Variants in SLC25A18 observed in about 807,000 individuals in gnomAD.
The protein encoded by SLC25A18 is mitochondrial glutamate carrier 2.
In SLC25A18, 24 loss-of-function variants were observed where a neutral mutation model predicts 31.1. The observed-to-expected ratio is 0.77, with a 90% CI of 0.56 to 1.08. The LOEUF is 1.08. Ranked by LOEUF, SLC25A18 falls within the 50% of genes least tolerant of loss-of-function variation. The pLI is 0.00. For missense variants in SLC25A18, 371 were observed against 418.5 expected (o/e 0.89, Z 0.99); for synonymous variants, 173 against 161.9 (o/e 1.07, Z -0.52).
chr22:17,577,579 A>ATTTTTTT (rs695611), intron 2 of SLC25A18, among the ~76,000 whole-genome samples: 1 of 118,938 alleles, frequency 8.4e-6, no homozygotes. Context: ...TGTCCTGTCT[A>ATTTTTTT]TTTTTTTTTT....
rs1310594391 is a variant in SLC25A18 at position 17,563,534 on chromosome 22, T to G, written c.-443T>G. The G allele has an allele frequency of 3.6e-6, 1 of 274,614 alleles. No individual in the cohort carries two copies. The highest frequency in any genetic ancestry group is 5.5e-6 in the Non-Finnish European group (1 of 180,280). 17.0% of individuals were successfully genotyped at this position (274,614 alleles called of 1,614,324 possible). ...CATATGACAAGGACGAGGACCCCTA[T>G]TCTAGCCAGTTAAAGCTGGACAGAA... On this transcript the variant is annotated 5_prime_UTR_variant, in exon 1 of 11. Coordinates refer to ENST00000327451, the MANE Select transcript of SLC25A18 (RefSeq NM_031481.3).
intron 2 of SLC25A18, among the ~76,000 whole-genome samples, chr22:17,574,033 C>G (rs544604357): frequency 2.0e-5 from 3 of 152,282 alleles, no homozygotes; most frequent in Admixed American, 2.0e-4. Context: ...AGTTCAAGAC[C>G]AGTCTGGGCA....
At chr22:17,579,599 C>T (rs1353411890) in intron 2 of SLC25A18, 146 bp from the exon 3 acceptor site, 32 of 451,238 alleles carry the variant, frequency 7.1e-5, no homozygotes, top group Admixed American at 5.2e-5. Context: ...TCCCCAGAGT[C>T]CAAAAGTTCG....
chr22:17,587,368 T>G (rs1419163752), intron 8 of SLC25A18, 67 bp downstream of exon 8: 8 of 1,516,172 alleles, frequency 5.3e-6, no homozygotes, highest in Admixed American at 2.0e-5. Flanking sequence ...GAGAGCTGGT[T>G]GTCCCTATCT....
intron 2 of SLC25A18, among the ~76,000 whole-genome samples, chr22:17,576,795 G>A (rs1331094411): frequency 2.6e-5 from 4 of 152,304 alleles, no homozygotes; most frequent in Admixed American, 6.5e-5. Context: ...AGTGCTCTCC[G>A]TGGGTGGAAA....
At chr22:17,572,482 T>C (rs2057116371) in intron 2 of SLC25A18, among the ~76,000 whole-genome samples, 1 of 85,282 alleles carries the variant, frequency 1.2e-5, no homozygotes, top group East Asian at 2.7e-4. Context: ...CAAAACTCCA[T>C]CTCAAAAAAA....
At chr22:17,580,981 C>T (rs558889139) in intron 3 of SLC25A18, 56 bp from the exon 4 acceptor site, 107 of 1,501,688 alleles carry the variant, frequency 7.1e-5, no homozygotes, top group Non-Finnish European at 9.4e-5. Context: ...TGCATCCGCT[C>T]CCTAACCTGC....
Position 17,589,567 on chromosome 22 carries a change from ACTTT to A in SLC25A18, c.731-22_731-19del, listed in dbSNP as rs768088786. 76 of 1,611,520 alleles carry A rather than the reference ACTTT, an allele frequency of 4.7e-5. No homozygotes were observed. In the Middle Eastern group the frequency reaches 1.2e-3, roughly 24 times the overall value. Reference sequence around the variant, plus strand: ...ACCGAAAGTAAGCTGTTCACTACTTACTTTAACTTTTACTTGATTTAGTTCTGAA... The same window carrying A: ...ACCGAAAGTAAGCTGTTCACTACTTAAACTTTTACTTGATTTAGTTCTGAA... On this transcript the variant is annotated intron_variant, in intron 9 of 10. Transcript: ENST00000327451.
At position 17,590,269 on chromosome 22, in the gene SLC25A18, G is replaced by A. The variant is rs116161328; in HGVS notation, c.*33G>A. ...TGGAGGTCAAGTCCCTGCGCTTGCC[G>A]CCCTCTCTCTAGCTGTTTCACTTAG... is the stretch of plus-strand genomic sequence containing the variant. On this transcript the variant is annotated 3_prime_UTR_variant, in exon 11 of 11. Transcript: ENST00000327451. 7,403 of 1,613,280 alleles carry A rather than the reference G, an allele frequency of 4.6e-3. 268 individuals carry two copies. The African/African-American group carries it at 0.086, about 19-fold the overall frequency.
At chr22:17,567,734 T>C (rs2056974055) in intron 1 of SLC25A18, among the ~76,000 whole-genome samples, 1 of 132,292 alleles carries the variant, frequency 7.6e-6, no homozygotes, top group South Asian at 2.5e-4. Flanking sequence ...TCCTGAAACC[T>C]TTCCATGTCT....
chr22:17,582,293 G>A, intron 5 of SLC25A18: 1 of 246,788 alleles, frequency 4.1e-6, no homozygotes, highest in Non-Finnish European at 7.8e-6. Context: ...GGAGAATGGC[G>A]CGAACCCGGG....
At chr22:17,580,536 GAAC>G in intron 3 of SLC25A18, 1 of 989,432 alleles carries the variant, frequency 1.0e-6, no homozygotes, top group Non-Finnish European at 1.2e-6. Flanking sequence ...CTCTTATTAT[GAAC>G]AATAGCTGGC....
chr22:17,590,164 A>AC lies in SLC25A18; in HGVS notation c.878dup (p.Leu294SerfsTer22). 1 of 1,614,068 alleles carries AC rather than the reference A, an allele frequency of 6.2e-7. No individual in the cohort carries two copies. The highest frequency in any genetic ancestry group is 8.5e-7 in the Non-Finnish European group (1 of 1,180,000). ...CTGGCTGCCGGGCACTGGTCATAGC[A>AC]CCTCTCTTTGGGATTGCTCAAGGGG... On this transcript the variant is annotated frameshift_variant, in exon 11 of 11. Transcript: ENST00000327451. LOFTEE classifies it high-confidence loss of function.
chr22:17,587,940 C>T lies in SLC25A18; in HGVS notation c.591C>T (p.Ser197=). The T allele has an allele frequency of 1.2e-6, 2 of 1,614,132 alleles. No homozygotes were observed. Among genetic ancestry groups the T allele is most frequent in the Non-Finnish European group, 8.5e-7 (1 of 1,180,004 alleles). ...TCTTCTGCAGAGACATTCCTTTCTC[C>T]ATCATCTACTTCCCACTGTTTGCCA... The part of the protein sequence containing the change: ...GATLLRDIPF[S]IIYFPLFANL... Residue 197 remains serine (S), a synonymous_variant, in exon 9 of 11, where the codon TCC becomes TCT. Coordinates refer to ENST00000327451, the MANE Select transcript of SLC25A18 (RefSeq NM_031481.3).
At chr22:17,566,172 A>T (rs183191086) in intron 1 of SLC25A18, among the ~76,000 whole-genome samples, 172 of 151,562 alleles carry the variant, frequency 1.1e-3, no homozygotes, top group East Asian at 4.9e-3. Flanking sequence ...GCCTGCTGTC[A>T]CCCCCTCATC....
intron 2 of SLC25A18, among the ~76,000 whole-genome samples, chr22:17,577,743 G>A (rs931662126): frequency 1.0e-4 from 15 of 149,290 alleles, no homozygotes; most frequent in Admixed American, 1.4e-4. Flanking sequence ...ACCATTCCCC[G>A]CTAATTTTTG....
chr22:17,574,241 AAAG>A (rs1272927338), intron 2 of SLC25A18, among the ~76,000 whole-genome samples: 6 of 152,246 alleles, frequency 3.9e-5, no homozygotes, highest in Non-Finnish European at 8.8e-5. Context: ...CCCCTGAAAA[AAAG>A]AAGTATTCAG....
chr22:17,580,816 G>T, intron 3 of SLC25A18: 2 of 1,310,464 alleles, frequency 1.5e-6, no homozygotes, highest in African/African-American at 1.5e-5. Flanking sequence ...GCAGGTCCCA[G>T]CTCCAGGGAC....
Position 17,581,464 on chromosome 22 carries a change from G to T in SLC25A18, c.199+51G>T, listed in dbSNP as rs144409568. 3,309 of 1,599,022 alleles carry T rather than the reference G, an allele frequency of 2.1e-3. 8 individuals carry two copies. Among genetic ancestry groups the T allele is most frequent in the South Asian group, 3.5e-3 (313 of 90,528 alleles). ...GCTGGGCAGCAGGTGTGAGCGTATG[G>T]GACATGGGGAACTGGTGTTCCTTCC... On this transcript the variant is annotated intron_variant, in intron 5 of 10. Transcript: ENST00000327451.
Sources: gnomAD v4.1 joint callset for allele counts (sites outside exome capture counted in the v4.1 genomes callset) on GRCh38, gnomAD v4.1.1 for gene constraint, MANE v1.5 for transcripts, NCBI Gene and HGNC (gene_info 2026-07-23, HGNC 2026-07-21) for gene names.